The following TRPC3 variants were observed in gnomAD, a reference collection of about 807,000 sequenced individuals.
TRPC3 encodes transient receptor potential cation channel subfamily C member 3.
TRPC3 carries 54 observed loss-of-function variants against 90.9 expected under a neutral mutation model. The ratio of observed to expected loss-of-function variants is 0.59; its 90% confidence interval spans 0.48 to 0.75. The LOEUF is 0.75. Ranked by LOEUF, TRPC3 falls within the 30% of genes least tolerant of loss-of-function variation. The probability of loss-of-function intolerance (pLI) is 0.00; values close to 1 mark genes in which losing one functional copy is unlikely to be tolerated. For synonymous variants in TRPC3, 424 were observed against 450.9 expected, an observed-to-expected ratio of 0.94 and a Z score of 0.75; for missense variants, 918 against 1,194.5, an observed-to-expected ratio of 0.77 and a Z score of 3.41.
intron 1 of TRPC3, among the ~76,000 whole-genome samples, chr4:121,940,648 C>A (rs1730276333): frequency 6.6e-6 from 1 of 152,180 alleles, no homozygotes; most frequent in South Asian, 2.1e-4. Flanking sequence ...CCGATATGAC[C>A]CACAAGATTC....
At chr4:121,891,372 G>A (rs1056376210) in intron 10 of TRPC3, among the ~76,000 whole-genome samples, 5 of 152,116 alleles carry the variant, frequency 3.3e-5, no homozygotes, top group Admixed American at 1.3e-4. Flanking sequence ...CTAAGAAAGA[G>A]ATAAACAGAA....
intron 10 of TRPC3, among the ~76,000 whole-genome samples, chr4:121,886,140 G>T (rs1266125156): frequency 6.6e-6 from 1 of 152,090 alleles, no homozygotes; most frequent in Non-Finnish European, 1.5e-5. Flanking sequence ...GCTGCGGGGT[G>T]GTTAGATATC....
chr4:121,941,696 T>A (rs1425271977), intron 1 of TRPC3, among the ~76,000 whole-genome samples: 1 of 152,212 alleles, frequency 6.6e-6, no homozygotes, highest in Non-Finnish European at 1.5e-5. Flanking sequence ...TCAGTCAATG[T>A]GGCTACCTCT....
rs773461977 is a variant in TRPC3, at chr4:121,902,952, G to T, written c.2363C>A (p.Ser788Ter). The change falls in exon 9 of 12, where the codon TCA becomes TAA. Residue 788 changes from serine to a stop codon, truncating the protein, a stop_gained. Coordinates refer to ENST00000379645, the MANE Select transcript of TRPC3 (RefSeq NM_001130698.2). LOFTEE classifies it high-confidence loss of function. Reference sequence around the variant, plus strand: ...AATTCGCATGATGAAATAAACAAATGATTTTGGACTAGGAACTAGACTGAA... The same window carrying T: ...AATTCGCATGATGAAATAAACAAATTATTTTGGACTAGGAACTAGACTGAA... ...PPFSLVPSPK[S>*]FVYFIMRIVN... 2.5e-6 allele frequency: 4 copies of T among 1,613,310 alleles called. No homozygotes were observed. Among genetic ancestry groups the T allele is most frequent in the Non-Finnish European group, 3.4e-6 (4 of 1,179,726 alleles).
At chr4:121,922,870 T>G (rs1436313945) in intron 3 of TRPC3, among the ~76,000 whole-genome samples, 1 of 152,222 alleles carries the variant, frequency 6.6e-6, no homozygotes, top group Non-Finnish European at 1.5e-5. Flanking sequence ...TCTAGCCAAT[T>G]TAATTATCTT....
At position 121,882,412 on chromosome 4, in the gene TRPC3, A is replaced by C. The variant is rs1462787684; in HGVS notation, c.2565T>G (p.Leu855=). ...PTRYQQIMKR[L]IKRYVLKAQV... ...GTGCTTTCAAAACATACCGCTTTAT[A>C]AGTCTTTTCATTATCTGCTGTTGGG... Residue 855 remains leucine (L), a synonymous_variant, in exon 11 of 12, where the codon CTT becomes CTG. Coordinates refer to ENST00000379645, the MANE Select transcript of TRPC3 (RefSeq NM_001130698.2). 4 of 1,610,344 alleles carry C rather than the reference A, an allele frequency of 2.5e-6. No homozygotes were observed. Among genetic ancestry groups the C allele is most frequent in the Non-Finnish European group, 2.5e-6 (3 of 1,178,566 alleles).
At chr4:121,895,485 T>C (rs1008218295) in intron 10 of TRPC3, among the ~76,000 whole-genome samples, 2 of 149,916 alleles carry the variant, frequency 1.3e-5, no homozygotes, top group Non-Finnish European at 3.0e-5. Flanking sequence ...ATAAATAAAA[T>C]CAGAAAATGA....
rs143524048 is a variant in TRPC3, at chr4:121,886,257, C to G, written c.2548-3828G>C. Among the ~76,000 whole-genome samples the G allele has an allele frequency of 1.6e-4, 24 of 152,232 alleles. No homozygotes were observed. The East Asian group carries it at 4.6e-3, about 29-fold the overall frequency. ...TCTATCAGGTACTTTTACATTCATT[C>G]TCTCACTTAATTCTACAGAGAAGCC... On this transcript the variant is annotated intron_variant, in intron 10 of 11. Transcript: ENST00000379645.
chr4:121,875,803 C>T lies in TRPC3; in HGVS notation c.*3933G>A, dbSNP rs547492901. Among the ~76,000 whole-genome samples, 1 of 150,800 alleles carries T rather than the reference C, an allele frequency of 6.6e-6. No homozygotes were observed. The highest frequency in any genetic ancestry group is 2.0e-4 in the East Asian group (1 of 5,100). On this transcript the variant is annotated 3_prime_UTR_variant, in exon 12 of 12. Coordinates refer to ENST00000379645, the MANE Select transcript of TRPC3 (RefSeq NM_001130698.2). ...TGAGTGACTGAGTCATGAGTAAAAA[C>T]ATTAGTTTCCCCTAACACATGGTAT...
At chr4:121,919,332 T>C (rs1313057341) in intron 3 of TRPC3, among the ~76,000 whole-genome samples, 1 of 152,196 alleles carries the variant, frequency 6.6e-6, no homozygotes, top group Non-Finnish European at 1.5e-5. Flanking sequence ...TCTGGATTTG[T>C]TTTTAATGAT....
intron 1 of TRPC3, among the ~76,000 whole-genome samples, chr4:121,936,574 G>A (rs1470527483): frequency 1.3e-5 from 2 of 152,210 alleles, no homozygotes; most frequent in African/African-American, 2.4e-5. Context: ...AAATTCATAT[G>A]TTGAAGCCCT....
intron 10 of TRPC3, among the ~76,000 whole-genome samples, chr4:121,898,346 T>A (rs1173828219): frequency 6.6e-6 from 1 of 152,160 alleles, no homozygotes; most frequent in African/African-American, 2.4e-5. Flanking sequence ...CAAGCGAGCA[T>A]TACCGCTTGA....
chr4:121,899,533 C>A, intron 10 of TRPC3, 79 bp downstream of exon 10: 1 of 1,211,708 alleles, frequency 8.3e-7, no homozygotes, highest in South Asian at 1.3e-5. Context: ...TAACTCAACT[C>A]ATGACACACA....
At position 121,951,364 on chromosome 4, in the gene TRPC3, G is replaced by C; in HGVS notation, c.215+102C>G. 1.3e-6 allele frequency: 1 copy of C among 744,246 alleles called. No homozygotes were observed. Among genetic ancestry groups the C allele is most frequent in the East Asian group, 6.2e-5 (1 of 16,028 alleles). The allele number at this position is 744,246 out of a possible 1,614,324, so 46.1% of individuals were successfully genotyped here. A position where few individuals can be genotyped will look rare whatever the true frequency, so the allele number is the denominator to read the frequency against. On this transcript the variant is annotated intron_variant, in intron 1 of 11. Coordinates refer to ENST00000379645, the MANE Select transcript of TRPC3 (RefSeq NM_001130698.2). This position sits in a 1 kb window ranked among gnomAD's most constrained non-coding sequence, Gnocchi z 4.4. ...TGCCTGGCCGTACCATGTGGGTCTC[G>C]GAGGTCCCGGGCTCGACGTGGAGCC...
chr4:121,884,213 A>G (rs1458898653), intron 10 of TRPC3, among the ~76,000 whole-genome samples: 1 of 152,200 alleles, frequency 6.6e-6, no homozygotes, highest in African/African-American at 2.4e-5. Context: ...ATGAAGCTCA[A>G]TAACAAGTAA....
intron 6 of TRPC3, among the ~76,000 whole-genome samples, chr4:121,907,970 C>T (rs966626130): frequency 6.6e-6 from 1 of 152,114 alleles, no homozygotes; most frequent in African/African-American, 2.4e-5. Flanking sequence ...CGGAGTGTAA[C>T]TTCTTTTCCA....
chr4:121,949,395 G>T (rs544577663), intron 1 of TRPC3, among the ~76,000 whole-genome samples: 3 of 152,264 alleles, frequency 2.0e-5, no homozygotes, highest in African/African-American at 7.2e-5. Context: ...GTAAAGGTGG[G>T]ATTGTACCCT....
intron 9 of TRPC3, among the ~76,000 whole-genome samples, chr4:121,901,604 T>G (rs1728700257): frequency 6.6e-6 from 1 of 152,238 alleles, no homozygotes; most frequent in Non-Finnish European, 1.5e-5. Flanking sequence ...CTTTGTAAAC[T>G]GTGAATGAGG....
At chr4:121,945,322 T>C (rs1486795665) in intron 1 of TRPC3, among the ~76,000 whole-genome samples, 4 of 152,198 alleles carry the variant, frequency 2.6e-5, no homozygotes, top group Non-Finnish European at 5.9e-5. Context: ...AATAAAGGCC[T>C]TTCTCATCCC....
Sources: allele counts gnomAD v4.1 joint callset (sites outside exome capture counted in the v4.1 genomes callset), GRCh38; gene constraint gnomAD v4.1.1; non-coding constraint Gnocchi (gnomAD v3.1); transcripts MANE v1.5; gene names NCBI Gene and HGNC (gene_info 2026-07-23, HGNC 2026-07-21).